The following ATP6V0A4 variants were observed in gnomAD, a reference collection of about 807,000 sequenced individuals.
The protein encoded by ATP6V0A4 is V-type proton ATPase 116 kDa subunit a 4.
In ATP6V0A4, 86 loss-of-function variants were observed where a neutral mutation model predicts 107.3. The ratio of observed to expected loss-of-function variants is 0.80; its 90% confidence interval spans 0.67 to 0.96. The LOEUF is 0.96. Ranked by LOEUF, ATP6V0A4 falls within the 40% of genes least tolerant of loss-of-function variation. The probability of loss-of-function intolerance (pLI) is 0.00; values close to 1 mark genes in which losing one functional copy is unlikely to be tolerated. For missense variants in ATP6V0A4, 908 were observed against 1,045.6 expected (o/e 0.87, Z 1.81); for synonymous variants, 353 against 381.4 (o/e 0.93, Z 0.87).
At chr7:138,707,283 ATAAT>A (rs1803473299) in intron 21 of ATP6V0A4, among the ~76,000 whole-genome samples, 1 of 90,024 alleles carries the variant, frequency 1.1e-5, no homozygotes, top group African/African-American at 4.8e-5. Context: ...ATTCTATATA[ATAAT>A]TATATTATAA....
intron 19 of ATP6V0A4, among the ~76,000 whole-genome samples, chr7:138,717,258 G>A (rs1222745692): frequency 6.6e-6 from 1 of 152,178 alleles, no homozygotes; most frequent in Non-Finnish European, 1.5e-5. Flanking sequence ...AGATCAACAA[G>A]GGAAAGATCA....
chr7:138,786,653 G>GGA (rs1421605853), intron 1 of ATP6V0A4, among the ~76,000 whole-genome samples: 1 of 151,476 alleles, frequency 6.6e-6, no homozygotes, highest in Non-Finnish European at 1.5e-5. Context: ...TATAGCCTAA[G>GGA]GAGAGAGAGA....
At chr7:138,766,444 A>C (rs755859193) in intron 5 of ATP6V0A4, among the ~76,000 whole-genome samples, 1 of 151,984 alleles carries the variant, frequency 6.6e-6, no homozygotes, top group Non-Finnish European at 1.5e-5. Flanking sequence ...GACCTCAAGC[A>C]ATACACCCGC....
At chr7:138,710,745 T>G (rs1803696956) in intron 20 of ATP6V0A4, among the ~76,000 whole-genome samples, 1 of 152,158 alleles carries the variant, frequency 6.6e-6, no homozygotes, top group Non-Finnish European at 1.5e-5. Context: ...AGTGGCTCTT[T>G]TCACTCTTTG....
rs372192391 is a variant in ATP6V0A4, at chr7:138,747,316, CTTCTCTCCTTTAT to C, written c.1320+96_1320+108del. 7.4e-4 allele frequency: 1,027 copies of C among 1,394,956 alleles called. 7 individuals carry two copies. In the East Asian group the frequency reaches 0.015, roughly 20 times the overall value. The allele number at this position is 1,394,956 out of a possible 1,614,324, so 86.4% of individuals were successfully genotyped here. On this transcript the variant is annotated intron_variant, in intron 13 of 21. Transcript: ENST00000310018. ...GTTAATTTGGCTCTTTTTTACTTTC[CTTCTCTCCTTTAT>C]TTTTCATAAAAATGTGTTATTTCTA...
At chr7:138,787,432 A>G (rs997109521) in intron 1 of ATP6V0A4, among the ~76,000 whole-genome samples, 1 of 152,178 alleles carries the variant, frequency 6.6e-6, no homozygotes, top group Non-Finnish European at 1.5e-5. Flanking sequence ...ACTGGAATCC[A>G]GGACTCTTGA....
At chr7:138,768,976 C>G in intron 4 of ATP6V0A4, 102 bp from the exon 5 acceptor site, 1 of 1,578,568 alleles carries the variant, frequency 6.3e-7, no homozygotes, top group African/African-American at 1.4e-5. Context: ...AGCTCAGCTA[C>G]CTGAATTGTC....
chr7:138,792,905 G>A (rs925997572), intron 1 of ATP6V0A4, among the ~76,000 whole-genome samples: 1 of 151,780 alleles, frequency 6.6e-6, no homozygotes, highest in African/African-American at 2.4e-5. Context: ...TAATATGATG[G>A]GAAAATGATT....
intron 18 of ATP6V0A4, among the ~76,000 whole-genome samples, chr7:138,722,338 A>G (rs184177288): frequency 8.6e-5 from 13 of 151,636 alleles, no homozygotes; most frequent in African/African-American, 3.1e-4. Flanking sequence ...AAAAAAATAA[A>G]TAAATAAAAT....
At chr7:138,795,336 TCC>T (rs1434050364) in intron 1 of ATP6V0A4, among the ~76,000 whole-genome samples, 1 of 151,912 alleles carries the variant, frequency 6.6e-6, no homozygotes. Context: ...CAACACATTA[TCC>T]CCCTCCTCCA....
intron 19 of ATP6V0A4, among the ~76,000 whole-genome samples, chr7:138,721,130 G>A (rs1008323804): frequency 6.6e-6 from 1 of 152,216 alleles, no homozygotes; most frequent in Non-Finnish European, 1.5e-5. Context: ...TCATCTGGGA[G>A]GATGTGGCAC....
At chr7:138,792,789 T>TTTTTTG (rs1808486545) in intron 1 of ATP6V0A4, among the ~76,000 whole-genome samples, 1 of 121,274 alleles carries the variant, frequency 8.2e-6, no homozygotes, top group Non-Finnish European at 1.7e-5. Context: ...TTGTTTTGTT[T>TTTTTTG]TTTTTTTTGT....
chr7:138,753,742 A>G (rs7806653), intron 10 of ATP6V0A4, among the ~76,000 whole-genome samples: 29,763 of 152,220 alleles, frequency 0.2, 3,086 homozygotes, highest in African/African-American at 0.23. Context: ...CCACCGAAGC[A>G]TCTCACAAGC....
At chr7:138,713,702 A>C (rs1388808702) in intron 20 of ATP6V0A4, among the ~76,000 whole-genome samples, 1 of 152,152 alleles carries the variant, frequency 6.6e-6, no homozygotes, top group Non-Finnish European at 1.5e-5. Flanking sequence ...ATGAAGGACG[A>C]ATTAAATATC....
intron 5 of ATP6V0A4, among the ~76,000 whole-genome samples, chr7:138,765,682 T>A (rs918119260): frequency 6.6e-6 from 1 of 152,222 alleles, no homozygotes; most frequent in African/African-American, 2.4e-5. Context: ...AACAAATCAA[T>A]TCCAGTGAGC....
intron 1 of ATP6V0A4, among the ~76,000 whole-genome samples, chr7:138,794,902 T>TTA (rs200589013): frequency 6.2e-4 from 69 of 111,870 alleles, no homozygotes; most frequent in Admixed American, 1.3e-3. Context: ...ACCCTATTTT[T>TTA]TTTTTTTTTT....
chr7:138,776,057 C>A (rs1034773577), intron 2 of ATP6V0A4, among the ~76,000 whole-genome samples: 4 of 152,162 alleles, frequency 2.6e-5, no homozygotes, highest in Non-Finnish European at 4.4e-5. Context: ...AAGTAATCCT[C>A]CCACCTCTGC....
chr7:138,797,654 C>T (rs982429126), intron 1 of ATP6V0A4, among the ~76,000 whole-genome samples: 2 of 152,072 alleles, frequency 1.3e-5, no homozygotes, highest in African/African-American at 4.8e-5. Flanking sequence ...AATTAACGCA[C>T]TTCGACAGCA....
At chr7:138,728,283 T>A (rs1400773139) in intron 18 of ATP6V0A4, among the ~76,000 whole-genome samples, 2 of 152,060 alleles carry the variant, frequency 1.3e-5, no homozygotes, top group Non-Finnish European at 2.9e-5. Context: ...TAGAGTGAAG[T>A]GTGATCTCGG....
Sources: gnomAD v4.1 joint callset for allele counts (sites outside exome capture counted in the v4.1 genomes callset) on GRCh38, gnomAD v4.1.1 for gene constraint, MANE v1.5 for transcripts, NCBI Gene and HGNC (gene_info 2026-07-23, HGNC 2026-07-21) for gene names.